PRNP: variants seen among roughly 807,000 people sequenced by gnomAD.
PRNP encodes prion protein (Kanno blood group), also known as major prion protein.
Under a neutral mutation model 21.3 loss-of-function variants are expected in PRNP, and 15 were observed. The observed-to-expected ratio is 0.71, with a 90% CI of 0.47 to 1.09. PRNP has a LOEUF of 1.09. PRNP is among the 50% of genes least tolerant of loss of function. The pLI is 0.00. For missense variants in PRNP, 285 were observed against 340.9 expected, an observed-to-expected ratio of 0.84 and a Z score of 1.29; for synonymous variants, 121 against 123.1, an observed-to-expected ratio of 0.98 and a Z score of 0.11.
rs548674200 is a variant in PRNP at position 4,697,301 on chromosome 20, G to C, written c.-10-1910G>C. 1.3e-5 allele frequency among the ~76,000 whole-genome samples: 2 copies of C among 152,192 alleles called. No homozygotes were observed. Among genetic ancestry groups the C allele is most frequent in the Admixed American group, 1.3e-4 (2 of 15,292 alleles). On this transcript the variant is annotated intron_variant, in intron 1 of 1. Transcript: ENST00000379440. This position sits in a 1 kb window ranked among gnomAD's most constrained non-coding sequence, Gnocchi z 4.6. ...TATTTTGCATGTCTATGGGTCAAGC[G>C]CTCTGTCTAGGAACACTGCTGTGAA...
intron 1 of PRNP, among the ~76,000 whole-genome samples, chr20:4,698,780 T>C (rs958703212): frequency 4.6e-5 from 7 of 152,214 alleles, no homozygotes; most frequent in Non-Finnish European, 8.8e-5. Flanking sequence ...ACTATTGTCA[T>C]AGGTCTCTGC....
intron 1 of PRNP, among the ~76,000 whole-genome samples, chr20:4,688,477 G>T (rs1037245254): frequency 6.6e-6 from 1 of 152,146 alleles, no homozygotes; most frequent in Non-Finnish European, 1.5e-5. Context: ...AAGCAATCTG[G>T]TGATGCATTA....
chr20:4,700,128 G>A lies in PRNP; in HGVS notation c.*146G>A. ...GCTAATCAATACCCTTGGCACTGAT[G>A]GGCACTGGAAAACATAGAGTAGACC... On this transcript the variant is annotated 3_prime_UTR_variant, in exon 2 of 2. Transcript: ENST00000379440. The surrounding 1 kb of genome is among the most constrained non-coding windows in gnomAD (Gnocchi z 4.1). 3.2e-6 allele frequency: 5 copies of A among 1,548,920 alleles called. No individual in the cohort carries two copies. The highest frequency in any genetic ancestry group is 4.4e-6 in the Non-Finnish European group (5 of 1,146,308).
At position 4,699,919 on chromosome 20, in the gene PRNP, C is replaced by A; in HGVS notation, c.699C>A (p.Val233=). ...QAYYQRGSSM[V]LFSSPPVILL... is the part of the protein sequence containing the mutation. ...ATTACCAGAGAGGATCGAGCATGGTCCTCTTCTCCTCTCCACCTGTGATCC... is the reference window on the plus strand; with the variant it reads ...ATTACCAGAGAGGATCGAGCATGGTACTCTTCTCCTCTCCACCTGTGATCC... The change falls in exon 2 of 2, where the codon GTC becomes GTA. Residue 233 remains valine, a synonymous_variant. Transcript: ENST00000379440. The surrounding 1 kb of genome is among the most constrained non-coding windows in gnomAD (Gnocchi z 5.8). 1.2e-6 allele frequency: 2 copies of A among 1,613,844 alleles called. No individual in the cohort carries two copies. Among genetic ancestry groups the A allele is most frequent in the Non-Finnish European group, 1.7e-6 (2 of 1,179,926 alleles).
rs1355317095 is a variant in PRNP, at chr20:4,700,004, C to T, written c.*22C>T. On this transcript the variant is annotated 3_prime_UTR_variant, in exon 2 of 2. Coordinates refer to ENST00000379440, the MANE Select transcript of PRNP (RefSeq NM_000311.5). This position sits in a 1 kb window ranked among gnomAD's most constrained non-coding sequence, Gnocchi z 4.1. ...ATGAGGAAGGTCTTCCTGTTTTCAC[C>T]ATCTTTCTAATCTTTTTCCAGCTTG... 3.8e-6 allele frequency: 6 copies of T among 1,585,664 alleles called. No individual in the cohort carries two copies. Among genetic ancestry groups the T allele is most frequent in the Middle Eastern group, 1.7e-4 (1 of 6,036 alleles).
At chr20:4,694,253 C>A (rs1028880616) in intron 1 of PRNP, among the ~76,000 whole-genome samples, 4 of 151,610 alleles carry the variant, frequency 2.6e-5, no homozygotes, top group East Asian at 3.9e-4. Flanking sequence ...GTAATCTCAG[C>A]ACTTTGGGAG....
In PRNP at chr20:4,699,497, G is replaced by A. The variant is rs200771627; in HGVS notation, c.277G>A (p.Gly93Ser). 6.2e-7 allele frequency: 1 copy of A among 1,613,730 alleles called. No homozygotes were observed. Among genetic ancestry groups the A allele is most frequent in the Admixed American group, 1.7e-5 (1 of 60,018 alleles). ...TCATGGTGGTGGCTGGGGTCAAGGAGGTGGCACCCACAGTCAGTGGAACAA... is the reference window on the plus strand; with the variant it reads ...TCATGGTGGTGGCTGGGGTCAAGGAAGTGGCACCCACAGTCAGTGGAACAA... ...QPHGGGWGQG[G>S]GTHSQWNKPS... The change falls in exon 2 of 2, where the codon GGT (glycine) becomes AGT (serine). Residue 93 changes from glycine (G) to serine (S), a missense_variant. By Grantham distance (56) the Gly-to-Ser change is moderately conservative (BLOSUM62 0). Coordinates refer to ENST00000379440, the MANE Select transcript of PRNP (RefSeq NM_000311.5). The surrounding 1 kb of genome is among the most constrained non-coding windows in gnomAD (Gnocchi z 5.8).
At chr20:4,696,512 C>A (rs1378770367) in intron 1 of PRNP, among the ~76,000 whole-genome samples, 2 of 152,112 alleles carry the variant, frequency 1.3e-5, no homozygotes, top group Non-Finnish European at 2.9e-5. Flanking sequence ...TCATGTTATC[C>A]CTGTTATTCT....
Position 4,686,568 on chromosome 20 carries a change from A to T in PRNP, c.-11+56A>T, listed in dbSNP as rs1039303773. On this transcript the variant is annotated intron_variant, in intron 1 of 1. Coordinates refer to ENST00000379440, the MANE Select transcript of PRNP (RefSeq NM_000311.5). This position sits in a 1 kb window ranked among gnomAD's most constrained non-coding sequence, Gnocchi z 6.7. ...GGGGGCAGGGGAGCCGCGGGGGCCG[A>T]GTGAGGACCCCGGGCCTCGGGTCCC... is the stretch of plus-strand genomic sequence containing the variant. The T allele has an allele frequency of 3.5e-4, 53 of 150,006 alleles. No homozygotes were observed. The highest frequency in any genetic ancestry group is 1.3e-3 in the African/African-American group (52 of 40,724). The allele number at this position is 150,006 out of a possible 1,614,324, so 9.3% of individuals were successfully genotyped here.
At chr20:4,694,986 C>A (rs1922074723) in intron 1 of PRNP, among the ~76,000 whole-genome samples, 1 of 151,824 alleles carries the variant, frequency 6.6e-6, no homozygotes, top group Non-Finnish European at 1.5e-5. Context: ...GAATTACTGT[C>A]TCTTACTGCT....
intron 1 of PRNP, among the ~76,000 whole-genome samples, chr20:4,688,431 T>C (rs1168471249): frequency 6.6e-6 from 1 of 152,198 alleles, no homozygotes; most frequent in Non-Finnish European, 1.5e-5. Context: ...GTATGAGTTA[T>C]TGGGGGCATT....
At chr20:4,690,018 G>C (rs6052768) in intron 1 of PRNP, among the ~76,000 whole-genome samples, 3,030 of 152,198 alleles carry the variant, frequency 0.02, 92 homozygotes, top group African/African-American at 0.067. Flanking sequence ...CTTGTGATGG[G>C]TTCCAGCAAT....
Position 4,699,823 on chromosome 20 carries a change from C to T in PRNP, c.603C>T (p.Thr201=), listed in dbSNP as rs145556589. ...CCAAGGGGGAGAACTTCACCGAGAC[C>T]GACGTTAAGATGATGGAGCGCGTGG... ...TTTKGENFTE[T]DVKMMERVVE... The change falls in exon 2 of 2, where the codon ACC becomes ACT. Residue 201 remains threonine (T), a synonymous_variant. Coordinates refer to ENST00000379440, the MANE Select transcript of PRNP (RefSeq NM_000311.5). The surrounding 1 kb of genome is among the most constrained non-coding windows in gnomAD (Gnocchi z 5.8). 77 of 1,613,876 alleles carry T rather than the reference C, an allele frequency of 4.8e-5. No individual in the cohort carries two copies. In the African/African-American group the frequency reaches 6.3e-4, roughly 13 times the overall value.
chr20:4,693,034 C>T (rs1360730949), intron 1 of PRNP, among the ~76,000 whole-genome samples: 4 of 152,170 alleles, frequency 2.6e-5, no homozygotes, highest in African/African-American at 7.2e-5. Context: ...GCAAAGTTTA[C>T]ATGTCTATAC....
At position 4,700,374 on chromosome 20, in the gene PRNP, T is replaced by C. The variant is rs1349181871; in HGVS notation, c.*392T>C. ...GCTAGAGCTCAGTATACTAATGCCC[T>C]ATCTTAGTAGAGATTTCATAGCTAT... is the stretch of plus-strand genomic sequence containing the variant. On this transcript the variant is annotated 3_prime_UTR_variant, in exon 2 of 2. Transcript: ENST00000379440. The surrounding 1 kb of genome is among the most constrained non-coding windows in gnomAD (Gnocchi z 4.1). 3.2e-5 allele frequency: 12 copies of C among 380,404 alleles called. No homozygotes were observed. Among genetic ancestry groups the C allele is most frequent in the South Asian group, 1.7e-4 (8 of 46,156 alleles). 23.6% of individuals were successfully genotyped at this position (380,404 alleles called of 1,614,324 possible).
chr20:4,687,131 G>A (rs1921499791), intron 1 of PRNP, among the ~76,000 whole-genome samples: 1 of 152,172 alleles, frequency 6.6e-6, no homozygotes, highest in Non-Finnish European at 1.5e-5. Flanking sequence ...CGTTCCTCCC[G>A]GGAGGCGGCC....
In PRNP at chr20:4,697,452, G is replaced by C. The variant is rs1198155723; in HGVS notation, c.-10-1759G>C. Among the ~76,000 whole-genome samples, 1 of 152,206 alleles carries C rather than the reference G, an allele frequency of 6.6e-6. No homozygotes were observed. The highest frequency in any genetic ancestry group is 1.5e-5 in the Non-Finnish European group (1 of 68,034). ...TCCAGAGAATAATGAAGCCAGGAAA[G>C]GGGGTGGGCTAGGGGGTGCTGTTTT... is the stretch of plus-strand genomic sequence containing the variant. On this transcript the variant is annotated intron_variant, in intron 1 of 1. Coordinates refer to ENST00000379440, the MANE Select transcript of PRNP (RefSeq NM_000311.5). This position sits in a 1 kb window ranked among gnomAD's most constrained non-coding sequence, Gnocchi z 4.6.
intron 1 of PRNP, among the ~76,000 whole-genome samples, chr20:4,690,777 G>A (rs556103452): frequency 2.0e-4 from 30 of 152,192 alleles, no homozygotes; most frequent in Non-Finnish European, 4.0e-4. Context: ...ATGCTCACAC[G>A]CACTAGTTCT....
At chr20:4,696,995 G>A (rs1233686111) in intron 1 of PRNP, among the ~76,000 whole-genome samples, 2 of 152,156 alleles carry the variant, frequency 1.3e-5, no homozygotes, top group East Asian at 3.8e-4. Context: ...CACATTCAAA[G>A]CCCGACTCAG....
Sources: allele counts gnomAD v4.1 joint callset (sites outside exome capture counted in the v4.1 genomes callset), GRCh38; gene constraint gnomAD v4.1.1; non-coding constraint Gnocchi (gnomAD v3.1); transcripts MANE v1.5; gene names NCBI Gene and HGNC (gene_info 2026-07-23, HGNC 2026-07-21).